Variants in MATN2 observed in about 807,000 individuals in gnomAD.
MATN2 encodes matrilin 2.
MATN2 carries 69 observed loss-of-function variants against 103.2 expected under a neutral mutation model. That is an observed-to-expected ratio of 0.67 (90% CI 0.55 to 0.82). The LOEUF is 0.82. Among genes scored for constraint, MATN2 ranks in the 40% least tolerant of loss-of-function variants. The probability of loss-of-function intolerance (pLI) is 0.00; values close to 1 mark genes in which losing one functional copy is unlikely to be tolerated. For synonymous variants in MATN2, 429 were observed against 450.2 expected (o/e 0.95, Z 0.60); for missense variants, 1,023 against 1,211.5 (o/e 0.84, Z 2.31).
At chr8:97,937,367 T>C (rs1376991984) in intron 3 of MATN2, among the ~76,000 whole-genome samples, 2 of 152,164 alleles carry the variant, frequency 1.3e-5, no homozygotes, top group African/African-American at 2.4e-5. Context: ...CTACAAGAGC[T>C]ACCTGATTTC....
At chr8:97,923,624 C>T (rs1037025380) in intron 2 of MATN2, among the ~76,000 whole-genome samples, 3 of 151,948 alleles carry the variant, frequency 2.0e-5, no homozygotes, top group South Asian at 4.1e-4. Context: ...GGCACAATCT[C>T]GGCTCACTGC....
intron 2 of MATN2, among the ~76,000 whole-genome samples, chr8:97,925,159 C>G (rs1354055037): frequency 6.6e-6 from 1 of 152,114 alleles, no homozygotes; most frequent in African/African-American, 2.4e-5. Context: ...GTGAGGTACA[C>G]AGCGGGTGGA....
intron 1 of MATN2, among the ~76,000 whole-genome samples, chr8:97,877,778 G>A (rs1335900991): frequency 2.0e-5 from 3 of 152,158 alleles, no homozygotes; most frequent in African/African-American, 4.8e-5. Context: ...TTAGGATTAA[G>A]TTCAGCTGCA....
chr8:97,933,667 T>C lies in MATN2; in HGVS notation c.712+2145T>C, dbSNP rs536567600. Among the ~76,000 whole-genome samples the C allele has an allele frequency of 4.6e-5, 7 of 152,236 alleles. No individual in the cohort carries two copies. In the South Asian group the frequency reaches 1.2e-3, roughly 27 times the overall value. On this transcript the variant is annotated intron_variant, in intron 3 of 18. Transcript: ENST00000254898. ...TTTCCTCCCTTCATCTTCTTTGTTA[T>C]AATCTGGAAGCTCTAAGAAAACATT... is the stretch of plus-strand genomic sequence containing the variant.
At chr8:98,003,247 G>T (rs1225493401) in intron 7 of MATN2, among the ~76,000 whole-genome samples, 1 of 152,026 alleles carries the variant, frequency 6.6e-6, no homozygotes, top group Non-Finnish European at 1.5e-5. Context: ...TGCTGTCCTC[G>T]AGTCCTCATG....
chr8:97,879,589 A>G (rs2129946269), intron 1 of MATN2, among the ~76,000 whole-genome samples: 1 of 152,350 alleles, frequency 6.6e-6, no homozygotes, highest in South Asian at 2.1e-4. Flanking sequence ...GGAGCTGTGC[A>G]GAGGTGGGAA....
At chr8:97,894,321 AC>A (rs1278727978) in intron 2 of MATN2, among the ~76,000 whole-genome samples, 11 of 103,132 alleles carry the variant, frequency 1.1e-4, no homozygotes, top group African/African-American at 4.1e-4. Flanking sequence ...CTAAGAATTC[AC>A]CTTTTTTTTT....
rs144623960 is a variant in MATN2, at chr8:98,012,718, C to T, written c.1574-3822C>T. 7.5e-4 allele frequency among the ~76,000 whole-genome samples: 114 copies of T among 152,282 alleles called. 1 individual carries two copies. The East Asian group carries it at 0.014, about 19-fold the overall frequency. On this transcript the variant is annotated intron_variant, in intron 10 of 18. Transcript: ENST00000254898. ...GAGAATCTGCCAGGCTGCCTCAGCA[C>T]ACTCCCTTAAGCTAGGATGATCTGT...
chr8:98,005,498 C>T lies in MATN2; in HGVS notation c.1328-1607C>T, dbSNP rs1488442363. Among the ~76,000 whole-genome samples, 3 of 152,168 alleles carry T rather than the reference C, an allele frequency of 2.0e-5. No homozygotes were observed. The highest frequency in any genetic ancestry group is 6.5e-5 in the Admixed American group (1 of 15,272). On this transcript the variant is annotated intron_variant, in intron 8 of 18. Coordinates refer to ENST00000254898, the MANE Select transcript of MATN2 (RefSeq NM_002380.5). The surrounding 1 kb of genome is among the most constrained non-coding windows in gnomAD (Gnocchi z 4.6). ...AGGGACATGGCTTGACTGCCCCTCC[C>T]AGCATGCTTCCGGGGGCCAGAAGAG...
chr8:97,961,562 A>T, intron 5 of MATN2, 32 bp downstream of exon 5: 3 of 1,584,292 alleles, frequency 1.9e-6, no homozygotes, highest in Non-Finnish European at 2.6e-6. Flanking sequence ...CTTGGTAGGG[A>T]AGGACAAGTT....
intron 3 of MATN2, among the ~76,000 whole-genome samples, chr8:97,932,203 A>C (rs921350115): frequency 6.6e-6 from 1 of 152,160 alleles, no homozygotes; most frequent in Non-Finnish European, 1.5e-5. Context: ...TCTTCAGCAC[A>C]TGGAGCTGCC....
At position 98,027,424 on chromosome 8, in the gene MATN2, G is replaced by A. The variant is rs775321730; in HGVS notation, c.1951G>A (p.Glu651Lys). 6 of 1,602,478 alleles carry A rather than the reference G, an allele frequency of 3.7e-6. No individual in the cohort carries two copies. In the African/African-American group the frequency reaches 6.7e-5, roughly 18 times the overall value. ...TCCTTCTGTTCATATAGAATGCACT[G>A]AAGGCCCAATTGACCTGGTCTTTGT... is the stretch of plus-strand genomic sequence containing the variant. ...EDGRRCKKCTEGPIDLVFVID... is the reference protein window; with the variant it reads ...EDGRRCKKCTKGPIDLVFVID... The change falls in exon 14 of 19, where the codon GAA becomes AAA. Residue 651 changes from glutamate (E) to lysine (K), a missense_variant. By Grantham distance (56) the Glu-to-Lys change is moderately conservative. Coordinates refer to ENST00000254898, the MANE Select transcript of MATN2 (RefSeq NM_002380.5).
At chr8:97,946,280 A>T (rs1810750665) in intron 4 of MATN2, among the ~76,000 whole-genome samples, 1 of 152,196 alleles carries the variant, frequency 6.6e-6, no homozygotes, top group African/African-American at 2.4e-5. Flanking sequence ...TTTAGCTTCC[A>T]TCACTTCTTG....
intron 8 of MATN2, 176 bp downstream of exon 8, chr8:98,003,959 C>A: frequency 1.5e-6 from 1 of 684,010 alleles, no homozygotes; most frequent in Non-Finnish European, 2.4e-6. Context: ...TTAATGCTAT[C>A]GGCCTAGCCA....
intron 2 of MATN2, among the ~76,000 whole-genome samples, chr8:97,904,334 T>C (rs1819091252): frequency 6.6e-6 from 1 of 152,236 alleles, no homozygotes; most frequent in African/African-American, 2.4e-5. Flanking sequence ...GTAATTGATA[T>C]TTTCCTTGAA....
chr8:97,922,007 A>T (rs1303639664), intron 2 of MATN2, among the ~76,000 whole-genome samples: 2 of 152,156 alleles, frequency 1.3e-5, no homozygotes, highest in Non-Finnish European at 2.9e-5. Flanking sequence ...CACAAGCGCA[A>T]ACCCTATTGT....
rs1286864826 is a variant in MATN2 at position 98,035,958 on chromosome 8, C to CA, written c.*248dup. The CA allele has an allele frequency of 2.2e-5, 8 of 360,370 alleles. No homozygotes were observed. Among genetic ancestry groups the CA allele is most frequent in the Non-Finnish European group, 3.5e-5 (7 of 202,098 alleles). 22.3% of individuals were successfully genotyped at this position (360,370 alleles called of 1,614,324 possible). A position where few individuals can be genotyped will look rare whatever the true frequency, so the allele number is the denominator to read the frequency against. The stretch of plus-strand genomic sequence containing the variant: ...ACCAGGTGAGAATGAATAAGCTATG[C>CA]AAGGTATTTTGTAATATACTGTGGA... On this transcript the variant is annotated 3_prime_UTR_variant, in exon 19 of 19. Transcript: ENST00000254898.
At chr8:97,895,930 G>A (rs1250304178) in intron 2 of MATN2, among the ~76,000 whole-genome samples, 1 of 152,220 alleles carries the variant, frequency 6.6e-6, no homozygotes, top group Non-Finnish European at 1.5e-5. Flanking sequence ...AGGATGCATG[G>A]CTTAGGGGCA....
rs373379380 is a variant in MATN2 at position 97,931,206 on chromosome 8, G to A, written c.396G>A (p.Thr132=). 3.0e-5 allele frequency: 49 copies of A among 1,613,352 alleles called. No individual in the cohort carries two copies. In the African/African-American group the frequency reaches 3.5e-4, roughly 11 times the overall value. The change falls in exon 3 of 19, where the codon ACG becomes ACA. Residue 132 remains threonine, a synonymous_variant. Transcript: ENST00000254898. The surrounding 1 kb of genome is among the most constrained non-coding windows in gnomAD (Gnocchi z 4.1). ...RAVKRMRHLS[T]GTMTGLAIQY... ...TCAAGAGGATGCGGCATCTGTCCACGGGCACCATGACTGGGCTGGCCATCC... is the reference window on the plus strand; with the variant it reads ...TCAAGAGGATGCGGCATCTGTCCACAGGCACCATGACTGGGCTGGCCATCC...
Sources: allele counts gnomAD v4.1 joint callset (sites outside exome capture counted in the v4.1 genomes callset), GRCh38; gene constraint gnomAD v4.1.1; non-coding constraint Gnocchi (gnomAD v3.1); transcripts MANE v1.5; gene names NCBI Gene and HGNC (gene_info 2026-07-23, HGNC 2026-07-21).